The following EFCAB11 variants were observed in gnomAD, a reference collection of about 807,000 sequenced individuals.
EFCAB11 encodes EF-hand calcium binding domain 11.
Under a neutral mutation model 23.0 loss-of-function variants are expected in EFCAB11, and 14 were observed. That is an observed-to-expected ratio of 0.61 (90% CI 0.40 to 0.95). The LOEUF (loss-of-function observed/expected upper bound fraction) is 0.95, where lower values mean the gene tolerates loss of function less well. Ranked by LOEUF, EFCAB11 falls within the 40% of genes least tolerant of loss-of-function variation. The pLI is 0.00. For synonymous variants in EFCAB11, 65 were observed against 66.6 expected (o/e 0.98, Z 0.11); for missense variants, 198 against 195.8 (o/e 1.01, Z -0.07).
At chr14:89,924,751 C>T (rs1292936351) in intron 5 of EFCAB11, 16 of 1,501,222 alleles carry the variant, frequency 1.1e-5, no homozygotes, top group African/African-American at 1.4e-5. Flanking sequence ...AAATGGAAAG[C>T]AAAGCCACAT....
At chr14:89,857,239 G>T (rs1007755003) in intron 5 of EFCAB11, among the ~76,000 whole-genome samples, 1 of 152,218 alleles carries the variant, frequency 6.6e-6, no homozygotes, top group African/African-American at 2.4e-5. Context: ...TAAGGGCCAG[G>T]CATTGCCTTG....
chr14:89,830,574 C>T (rs1243747631), intron 5 of EFCAB11: 1 of 152,152 alleles, frequency 6.6e-6, no homozygotes, highest in Non-Finnish European at 1.5e-5. Context: ...GAAGCACTGC[C>T]TTATAGGATG....
rs550829922 is a variant in EFCAB11, at chr14:89,943,337, C to G, written c.217+6760G>C. 1.1e-4 allele frequency among the ~76,000 whole-genome samples: 17 copies of G among 151,928 alleles called. No individual in the cohort carries two copies. In the South Asian group the frequency reaches 3.3e-3, roughly 30 times the overall value. ...CATGGCTCACAGCAGTCTCAACCTC[C>G]TGGGCTCAAGCAATCCTCTACCTCA... On this transcript the variant is annotated intron_variant, in intron 3 of 5. Transcript: ENST00000316738.
At chr14:89,828,701 G>A (rs1596386927) in intron 5 of EFCAB11, among the ~76,000 whole-genome samples, 1 of 152,116 alleles carries the variant, frequency 6.6e-6, no homozygotes, top group Admixed American at 6.5e-5. Flanking sequence ...AAGAATATTG[G>A]ATTAAATAGC....
In EFCAB11 at chr14:89,933,407, A is replaced by T. The variant is rs540435659; in HGVS notation, c.218-780T>A. 1.2e-4 allele frequency among the ~76,000 whole-genome samples: 17 copies of T among 143,464 alleles called. No individual in the cohort carries two copies. The East Asian group carries it at 2.8e-3, about 24-fold the overall frequency. The allele number at this position is 143,464 out of a possible 152,430, so 94.1% of individuals were successfully genotyped here. On this transcript the variant is annotated intron_variant, in intron 3 of 5. Coordinates refer to ENST00000316738, the MANE Select transcript of EFCAB11 (RefSeq NM_145231.4). ...CATTTTTATAACTCAGAATTTCCAT[A>T]AAAAAATTATCACTGTTTTAAAAAT...
chr14:89,834,153 G>A (rs560450397), intron 5 of EFCAB11, among the ~76,000 whole-genome samples: 1 of 151,110 alleles, frequency 6.6e-6, no homozygotes, highest in Non-Finnish European at 1.5e-5. Flanking sequence ...AGGAGATAGA[G>A]ACCACAAGGT....
chr14:89,849,070 C>A (rs954170888), intron 5 of EFCAB11, among the ~76,000 whole-genome samples: 2 of 152,214 alleles, frequency 1.3e-5, no homozygotes, highest in East Asian at 3.8e-4. Flanking sequence ...AATTAGTCCC[C>A]TGGATATCCA....
chr14:89,928,775 AT>A (rs1890280547), intron 5 of EFCAB11, among the ~76,000 whole-genome samples: 2 of 147,588 alleles, frequency 1.4e-5, no homozygotes, highest in East Asian at 2.0e-4. Flanking sequence ...TATTGCATAT[AT>A]AATTAAATAA....
intron 5 of EFCAB11, among the ~76,000 whole-genome samples, chr14:89,928,440 T>C (rs72697355): frequency 0.19 from 28,629 of 151,852 alleles, 3,141 homozygotes; most frequent in South Asian, 0.32. Context: ...TAAAATTCAA[T>C]TTGTTTTGAT....
At chr14:89,951,792 G>A (rs534694091) in intron 2 of EFCAB11, among the ~76,000 whole-genome samples, 20 of 151,832 alleles carry the variant, frequency 1.3e-4, no homozygotes, top group African/African-American at 4.3e-4. Context: ...GGGTATGGTC[G>A]TGTGCACCTG....
chr14:89,859,452 G>A (rs1229874850), intron 5 of EFCAB11, among the ~76,000 whole-genome samples: 2 of 152,224 alleles, frequency 1.3e-5, no homozygotes, highest in Admixed American at 6.5e-5. Flanking sequence ...TTTCTCACAT[G>A]AGCATGACCT....
At chr14:89,848,481 C>G (rs754626689) in intron 5 of EFCAB11, 1 of 152,158 alleles carries the variant, frequency 6.6e-6, no homozygotes, top group Admixed American at 6.5e-5. Context: ...GCAGAAATGT[C>G]TTGAGAGCCT....
At chr14:89,830,986 A>G (rs939801831) in intron 5 of EFCAB11, 6 of 152,312 alleles carry the variant, frequency 3.9e-5, no homozygotes, top group African/African-American at 9.6e-5. Flanking sequence ...CCTGATGTAC[A>G]TTTTACAAGG....
chr14:89,941,653 T>C (rs1890799043), intron 3 of EFCAB11, among the ~76,000 whole-genome samples: 2 of 151,360 alleles, frequency 1.3e-5, no homozygotes, highest in South Asian at 2.1e-4. Context: ...TGGACTCAAG[T>C]GATCTTCCCA....
rs72693763 is a variant in EFCAB11, at chr14:89,806,907, T to C, written c.411-9583A>G. Among the ~76,000 whole-genome samples the C allele has an allele frequency of 4.3e-3, 662 of 152,316 alleles. 3 individuals are homozygous for C. The highest frequency in any genetic ancestry group is 7.4e-3 in the Non-Finnish European group (506 of 68,022). On this transcript the variant is annotated intron_variant, in intron 5 of 5. Coordinates refer to ENST00000316738, the MANE Select transcript of EFCAB11 (RefSeq NM_145231.4). ...TGTAACCCAACTCCTGTTAGCCATG[T>C]TTAGCCTTTTAAAAAAAAGTAGTTT... is the stretch of plus-strand genomic sequence containing the variant.
chr14:89,846,829 C>A (rs10131159), intron 5 of EFCAB11, among the ~76,000 whole-genome samples: 99,484 of 151,972 alleles, frequency 0.65, 34,337 homozygotes, highest in Non-Finnish European at 0.79. Context: ...CCTCCTTGAT[C>A]TTCTATCACA....
intron 5 of EFCAB11, among the ~76,000 whole-genome samples, chr14:89,879,029 C>A (rs1888524943): frequency 6.6e-6 from 1 of 151,912 alleles, no homozygotes; most frequent in African/African-American, 2.4e-5. Flanking sequence ...TACTTTCTGC[C>A]TTGTTTTGAC....
chr14:89,936,444 C>T (rs1389374580), intron 3 of EFCAB11, among the ~76,000 whole-genome samples: 3 of 152,136 alleles, frequency 2.0e-5, no homozygotes, highest in Admixed American at 2.0e-4. Context: ...AAACTGTATG[C>T]CTATTACCAC....
At chr14:89,875,771 G>T (rs1888419348) in intron 5 of EFCAB11, among the ~76,000 whole-genome samples, 2 of 152,198 alleles carry the variant, frequency 1.3e-5, no homozygotes, top group South Asian at 4.1e-4. Flanking sequence ...ACCAAGCTGA[G>T]CTAAAGGAAT....
Sources: gnomAD v4.1 joint callset for allele counts (sites outside exome capture counted in the v4.1 genomes callset) on GRCh38, gnomAD v4.1.1 for gene constraint, MANE v1.5 for transcripts, NCBI Gene and HGNC (gene_info 2026-07-23, HGNC 2026-07-21) for gene names.